The following BAIAP2L1 variants were observed in gnomAD, a reference collection of about 807,000 sequenced individuals.
The protein encoded by BAIAP2L1 is BAR/IMD domain containing adaptor protein 2 like 1.
Under a neutral mutation model 66.3 loss-of-function variants are expected in BAIAP2L1, and 35 were observed. That is an observed-to-expected ratio of 0.53 (90% CI 0.40 to 0.70). BAIAP2L1 has a LOEUF of 0.70. Ranked by LOEUF, BAIAP2L1 falls within the 30% of genes least tolerant of loss-of-function variation. The pLI is 0.00. For synonymous variants in BAIAP2L1, 269 were observed against 248.7 expected, an observed-to-expected ratio of 1.08 and a Z score of -0.77; for missense variants, 622 against 656.9, an observed-to-expected ratio of 0.95 and a Z score of 0.58.
At chr7:98,396,076 A>G (rs1273418515) in intron 1 of BAIAP2L1, among the ~76,000 whole-genome samples, 1 of 152,144 alleles carries the variant, frequency 6.6e-6, no homozygotes, top group African/African-American at 2.4e-5. Flanking sequence ...GTCAAAAAAT[A>G]ATCATTTTTT....
At chr7:98,356,988 C>T (rs1489518156) in intron 2 of BAIAP2L1, among the ~76,000 whole-genome samples, 1 of 38,536 alleles carries the variant, frequency 2.6e-5, no homozygotes, top group Non-Finnish European at 5.2e-5. Context: ...AGTGAGGCCC[C>T]TGTCTCAAAA....
At chr7:98,345,679 C>T (rs540815749) in intron 3 of BAIAP2L1, among the ~76,000 whole-genome samples, 5 of 151,842 alleles carry the variant, frequency 3.3e-5, no homozygotes, top group South Asian at 2.1e-4. Context: ...GAGCCGAGAT[C>T]GCACCACTGC....
intron 8 of BAIAP2L1, among the ~76,000 whole-genome samples, 185 bp downstream of exon 8, chr7:98,311,909 TAAC>T (rs1332019291): frequency 6.6e-6 from 1 of 151,920 alleles, no homozygotes. Flanking sequence ...GACTCCACCT[TAAC>T]AACAACAAAA....
chr7:98,358,886 T>C (rs2115711743), intron 2 of BAIAP2L1, among the ~76,000 whole-genome samples: 1 of 152,288 alleles, frequency 6.6e-6, no homozygotes, highest in East Asian at 1.9e-4. Flanking sequence ...CCAGCGTATG[T>C]GGTCCCCTAC....
chr7:98,308,689 T>C, intron 9 of BAIAP2L1: 1 of 198,766 alleles, frequency 5.0e-6, no homozygotes, highest in Non-Finnish European at 1.1e-5. Context: ...TGTATGTATA[T>C]ACATTTGAGA....
chr7:98,383,738 TGTA>T lies in BAIAP2L1; in HGVS notation c.51+17061_51+17063del, dbSNP rs1272907575. On this transcript the variant is annotated intron_variant, in intron 1 of 13. Coordinates refer to ENST00000005260, the MANE Select transcript of BAIAP2L1 (RefSeq NM_018842.5). ...TACTTACGTTTCATTCCACCAACTCTGTAAAGTCTCACATTTCAGGCTTTCAAA... is the reference window on the plus strand; with the variant it reads ...TACTTACGTTTCATTCCACCAACTCTAAGTCTCACATTTCAGGCTTTCAAA... Among the ~76,000 whole-genome samples, 17 of 152,332 alleles carry T rather than the reference TGTA, an allele frequency of 1.1e-4. No individual in the cohort carries two copies. In the East Asian group the frequency reaches 3.3e-3, roughly 29 times the overall value.
intron 3 of BAIAP2L1, among the ~76,000 whole-genome samples, chr7:98,350,997 C>T (rs1801987350): frequency 6.6e-6 from 1 of 152,094 alleles, no homozygotes; most frequent in African/African-American, 2.4e-5. Context: ...GCTGGAATTA[C>T]AGGCATGCGC....
At chr7:98,355,662 G>A (rs1331170513) in intron 2 of BAIAP2L1, among the ~76,000 whole-genome samples, 1 of 152,018 alleles carries the variant, frequency 6.6e-6, no homozygotes, top group African/African-American at 2.4e-5. Context: ...CCAGGAGGCG[G>A]AGGTTGCAAG....
chr7:98,334,946 G>A (rs1451650432), intron 3 of BAIAP2L1, among the ~76,000 whole-genome samples: 3 of 149,104 alleles, frequency 2.0e-5, no homozygotes, highest in South Asian at 4.2e-4. Context: ...TCAGGAGATC[G>A]AGACCATCCT....
intron 3 of BAIAP2L1, among the ~76,000 whole-genome samples, chr7:98,345,942 G>C (rs1447200009): frequency 6.6e-6 from 1 of 151,784 alleles, no homozygotes; most frequent in Non-Finnish European, 1.5e-5. Context: ...ACAATAACAA[G>C]TGTTAAAGAT....
intron 3 of BAIAP2L1, among the ~76,000 whole-genome samples, chr7:98,350,719 G>T (rs1436405878): frequency 6.6e-6 from 1 of 152,032 alleles, no homozygotes; most frequent in African/African-American, 2.4e-5. Flanking sequence ...CTACCCTAAG[G>T]CCCCCTACCC....
At chr7:98,400,206 C>CA (rs1803323116) in intron 1 of BAIAP2L1, 1 of 140,638 alleles carries the variant, frequency 7.1e-6, no homozygotes, top group Admixed American at 7.5e-5. Flanking sequence ...TGTAGCTGGT[C>CA]AGGGGATGGG....
At chr7:98,353,916 C>T (rs1272752130) in intron 3 of BAIAP2L1, among the ~76,000 whole-genome samples, 7 of 150,354 alleles carry the variant, frequency 4.7e-5, no homozygotes, top group Admixed American at 2.0e-4. Flanking sequence ...GAGCCGAGAT[C>T]GTGCCACTGC....
Position 98,304,329 on chromosome 7 carries a change from C to G in BAIAP2L1, c.1289G>C (p.Ser430Thr). The change falls in exon 12 of 14, where the codon AGC becomes ACC. Residue 430 changes from serine to threonine, a missense_variant. Coordinates refer to ENST00000005260, the MANE Select transcript of BAIAP2L1 (RefSeq NM_018842.5). ...SISTVNLSEN[S>T]SVVIPPPDYL... ...GTCGGGTGGGGGGATGACAACACTG[C>G]TATTCTCAGACAAGTTCACGGTGCT... The G allele has an allele frequency of 6.2e-7, 1 of 1,613,696 alleles. No individual in the cohort carries two copies. Among genetic ancestry groups the G allele is most frequent in the Non-Finnish European group, 8.5e-7 (1 of 1,179,800 alleles).
intron 3 of BAIAP2L1, 125 bp downstream of exon 3, chr7:98,354,917 G>A: frequency 4.1e-6 from 3 of 726,706 alleles, no homozygotes; most frequent in South Asian, 1.7e-5. Context: ...AGACCGCGGT[G>A]AAGTAGAACC....
intron 2 of BAIAP2L1, among the ~76,000 whole-genome samples, chr7:98,358,168 T>C (rs577212461): frequency 1.2e-4 from 18 of 152,282 alleles, no homozygotes; most frequent in East Asian, 1.9e-4. Context: ...TTGACTTACA[T>C]TGAAAACCAT....
intron 1 of BAIAP2L1, among the ~76,000 whole-genome samples, chr7:98,377,514 C>G (rs1802661267): frequency 6.6e-6 from 1 of 152,154 alleles, no homozygotes; most frequent in Admixed American, 6.6e-5. Context: ...ACAATAGTAT[C>G]TTTTAAAAAG....
intron 11 of BAIAP2L1, 125 bp downstream of exon 11, chr7:98,306,313 TC>T: frequency 8.6e-7 from 1 of 1,161,528 alleles, no homozygotes. Flanking sequence ...CGGTCTCATC[TC>T]TGACTAGTCC....
At chr7:98,298,140 C>A (rs1440465527) in intron 12 of BAIAP2L1, among the ~76,000 whole-genome samples, 1 of 152,216 alleles carries the variant, frequency 6.6e-6, no homozygotes, top group Non-Finnish European at 1.5e-5. Context: ...GTCTCCCCTG[C>A]CCCCTTGGGA....
Sources: allele counts gnomAD v4.1 joint callset (sites outside exome capture counted in the v4.1 genomes callset), GRCh38; gene constraint gnomAD v4.1.1; transcripts MANE v1.5; gene names NCBI Gene and HGNC (gene_info 2026-07-23, HGNC 2026-07-21).